Variants in CD2AP observed in about 807,000 individuals in gnomAD.
The protein encoded by CD2AP is CD2-associated protein.
Under a neutral mutation model 85.1 loss-of-function variants are expected in CD2AP, and 46 were observed. That is an observed-to-expected ratio of 0.54 (90% CI 0.43 to 0.69). CD2AP has a LOEUF of 0.69. Among genes scored for constraint, CD2AP ranks in the 30% least tolerant of loss-of-function variants. The pLI is 0.00. For synonymous variants in CD2AP, 255 were observed against 252.9 expected (o/e 1.01, Z -0.08); for missense variants, 769 against 729.5 (o/e 1.05, Z -0.62).
intron 1 of CD2AP, among the ~76,000 whole-genome samples, chr6:47,489,913 C>T (rs1426545897): frequency 2.7e-5 from 4 of 149,786 alleles, no homozygotes; most frequent in African/African-American, 9.9e-5. Flanking sequence ...AAATATTTAT[C>T]TTCTAAAAAC....
Position 47,580,848 on chromosome 6 carries a change from A to G in CD2AP, c.1009-16A>G, listed in dbSNP as rs747843484. Reference sequence around the variant, plus strand: ...ATGAAACTGGTCAGCCGTTTCCACCATTATTATTTTAACAGAAACCAAAGA... The same window carrying G: ...ATGAAACTGGTCAGCCGTTTCCACCGTTATTATTTTAACAGAAACCAAAGA... On this transcript the variant is annotated splice_polypyrimidine_tract_variant and intron_variant, in intron 9 of 17. Transcript: ENST00000359314. The G allele has an allele frequency of 3.1e-6, 5 of 1,594,022 alleles. No individual in the cohort carries two copies. The highest frequency in any genetic ancestry group is 4.5e-5 in the East Asian group (2 of 44,718).
At position 47,595,968 on chromosome 6, in the gene CD2AP, G is replaced by C. The variant is rs144590370; in HGVS notation, c.1216G>C (p.Gly406Arg). Reference protein sequence around the residue: ...TKASNLLRSSGTVYPKRPEKP... With the variant: ...TKASNLLRSSRTVYPKRPEKP... ...AGCCAGTAATTTACTGAGATCTTCT[G>C]GAACAGTGTACCCAAAGCGACCTGA... Residue 406 changes from glycine (G) to arginine (R), a missense_variant, in exon 12 of 18, where the codon GGA becomes CGA. Gly to Arg is a moderately radical substitution (Grantham distance 125). Transcript: ENST00000359314. 14 of 1,612,576 alleles carry C rather than the reference G, an allele frequency of 8.7e-6. No individual in the cohort carries two copies. The highest frequency in any genetic ancestry group is 1.1e-5 in the South Asian group (1 of 91,024).
At chr6:47,599,801 A>G (rs2114137240) in intron 13 of CD2AP, among the ~76,000 whole-genome samples, 1 of 152,154 alleles carries the variant, frequency 6.6e-6, no homozygotes, top group South Asian at 2.1e-4. Flanking sequence ...ATAGACTTTC[A>G]GTGCCAGCAT....
intron 4 of CD2AP, among the ~76,000 whole-genome samples, chr6:47,551,745 G>A (rs191387214): frequency 6.1e-4 from 93 of 152,224 alleles, no homozygotes; most frequent in Non-Finnish European, 7.4e-4. Flanking sequence ...AAGATTCAAT[G>A]GTGGGGTGTC....
chr6:47,482,565 A>G (rs951240443), intron 1 of CD2AP, among the ~76,000 whole-genome samples: 2 of 151,836 alleles, frequency 1.3e-5, no homozygotes, highest in Middle Eastern at 6.8e-3. Context: ...TTTTTAGTGG[A>G]GATGGGGTTT....
At chr6:47,557,806 G>A (rs1431732788) in intron 5 of CD2AP, among the ~76,000 whole-genome samples, 2 of 152,102 alleles carry the variant, frequency 1.3e-5, no homozygotes, top group African/African-American at 4.8e-5. Flanking sequence ...TTGGCAATGT[G>A]GGCTCTTTTT....
chr6:47,505,000 T>A (rs559234087), intron 2 of CD2AP, among the ~76,000 whole-genome samples: 2 of 144,190 alleles, frequency 1.4e-5, no homozygotes, highest in South Asian at 4.6e-4. Flanking sequence ...CTGGGGTGGC[T>A]GTGGCAGTTT....
At position 47,491,259 on chromosome 6, in the gene CD2AP, ATGTGTGTGTGTATGTGTGTGTG is replaced by A. The variant is rs1469102378; in HGVS notation, c.5-12009_5-11988del. ...ATACATATATTTCTTTCTTCCTGAT[ATGTGTGTGTGTATGTGTGTGTG>A]TGTGTGTGTGTGTGTGTGTGTGTAA... On this transcript the variant is annotated intron_variant, in intron 1 of 17. Coordinates refer to ENST00000359314, the MANE Select transcript of CD2AP (RefSeq NM_012120.3). Among the ~76,000 whole-genome samples, 6 of 120,850 alleles carry A rather than the reference ATGTGTGTGTGTATGTGTGTGTG, an allele frequency of 5.0e-5. No homozygotes were observed. The East Asian group carries it at 1.1e-3, about 22-fold the overall frequency. The allele number at this position is 120,850 out of a possible 152,430, so 79.3% of individuals were successfully genotyped here. A position where few individuals can be genotyped will look rare whatever the true frequency, so the allele number is the denominator to read the frequency against.
chr6:47,609,280 T>A lies in CD2AP; in HGVS notation c.1790T>A (p.Val597Glu). The A allele has an allele frequency of 3.1e-6, 5 of 1,613,470 alleles. No homozygotes were observed. The highest frequency in any genetic ancestry group is 4.2e-6 in the Non-Finnish European group (5 of 1,179,630). ...CAGATTATTGAATTGTTGTGCATTG[T>A]AGAAGCACTGAAAAAGGATCACGGG... The part of the protein sequence containing the change: ...RAQIIELLCI[V>E]EALKKDHGKE... Residue 597 changes from valine to glutamate, a missense_variant, in exon 16 of 18, where the codon GTA becomes GAA. Val to Glu is a moderately radical substitution (Grantham distance 121). Transcript: ENST00000359314.
rs1412715755 is a variant in CD2AP, at chr6:47,598,932, A to T, written c.1275-369A>T. Among the ~76,000 whole-genome samples, 4 of 150,696 alleles carry T rather than the reference A, an allele frequency of 2.7e-5. No individual in the cohort carries two copies. The East Asian group carries it at 5.8e-4, about 22-fold the overall frequency. On this transcript the variant is annotated intron_variant, in intron 12 of 17. Transcript: ENST00000359314. ...AAAATAATCTAAAATAATAAAAAAA[A>T]TTTAAAAAAAAATACAGGAGCATTC...
chr6:47,518,407 T>G (rs187261315), intron 2 of CD2AP, among the ~76,000 whole-genome samples: 7 of 152,370 alleles, frequency 4.6e-5, no homozygotes, highest in Non-Finnish European at 7.3e-5. Flanking sequence ...ACCACTGATA[T>G]GCTTTTTGTC....
At chr6:47,600,809 G>A (rs771830000) in intron 13 of CD2AP, among the ~76,000 whole-genome samples, 9 of 151,954 alleles carry the variant, frequency 5.9e-5, no homozygotes, top group Middle Eastern at 3.4e-3. Context: ...CTAGAAATGT[G>A]TTTCATAGGT....
intron 3 of CD2AP, among the ~76,000 whole-genome samples, chr6:47,541,242 G>A (rs1767207221): frequency 6.6e-6 from 1 of 152,154 alleles, no homozygotes; most frequent in South Asian, 2.1e-4. Context: ...TCCTGCCTCA[G>A]CCTCCTGAGT....
At chr6:47,516,419 G>T (rs961784986) in intron 2 of CD2AP, among the ~76,000 whole-genome samples, 2 of 152,220 alleles carry the variant, frequency 1.3e-5, no homozygotes, top group African/African-American at 4.8e-5. Context: ...TAGCAATGAT[G>T]TGGTCATGTG....
chr6:47,575,168 A>G (rs1768272476), intron 6 of CD2AP, among the ~76,000 whole-genome samples: 2 of 152,158 alleles, frequency 1.3e-5, no homozygotes, highest in South Asian at 4.1e-4. Context: ...ACTATCTGGC[A>G]TTAGGATTGT....
At chr6:47,542,455 T>C (rs1156856334) in intron 3 of CD2AP, among the ~76,000 whole-genome samples, 1 of 152,206 alleles carries the variant, frequency 6.6e-6, no homozygotes, top group Admixed American at 6.5e-5. Context: ...TAATTTCCAT[T>C]GTGGTGATAT....
At chr6:47,506,884 A>G (rs954408397) in intron 2 of CD2AP, among the ~76,000 whole-genome samples, 2 of 152,068 alleles carry the variant, frequency 1.3e-5, no homozygotes, top group African/African-American at 4.8e-5. Context: ...ATGAGACAAC[A>G]ATGAAGTTTG....
intron 8 of CD2AP, among the ~76,000 whole-genome samples, chr6:47,577,964 ATGT>A (rs1768357684): frequency 6.6e-6 from 1 of 152,128 alleles, no homozygotes; most frequent in Non-Finnish European, 1.5e-5. Flanking sequence ...AAGTATAATG[ATGT>A]TATAGGATAC....
chr6:47,528,533 T>C (rs984444637), intron 2 of CD2AP, among the ~76,000 whole-genome samples: 1 of 152,206 alleles, frequency 6.6e-6, no homozygotes, highest in Non-Finnish European at 1.5e-5. Flanking sequence ...TGGATTAGAG[T>C]GTTATACAAC....
Sources: allele counts gnomAD v4.1 joint callset (sites outside exome capture counted in the v4.1 genomes callset), GRCh38; gene constraint gnomAD v4.1.1; transcripts MANE v1.5; gene names NCBI Gene and HGNC (gene_info 2026-07-23, HGNC 2026-07-21).